Variants in PUM2 observed in about 807,000 individuals in gnomAD.
The protein encoded by PUM2 is pumilio homolog 2.
PUM2 carries 57 observed loss-of-function variants against 124.5 expected under a neutral mutation model. The observed-to-expected ratio is 0.46, with a 90% CI of 0.37 to 0.57. The LOEUF is 0.57. Ranked by LOEUF, PUM2 falls within the 20% of genes least tolerant of loss-of-function variation. The pLI is 0.00. For synonymous variants in PUM2, 460 were observed against 446.1 expected, an observed-to-expected ratio of 1.03 and a Z score of -0.39; for missense variants, 1,065 against 1,290.6, an observed-to-expected ratio of 0.83 and a Z score of 2.68.
intron 7 of PUM2, among the ~76,000 whole-genome samples, chr2:20,300,444 C>T (rs955787322): frequency 2.0e-5 from 3 of 152,164 alleles, no homozygotes; most frequent in African/African-American, 7.2e-5. Flanking sequence ...CCATAGCACC[C>T]GGCCTCAAGT....
rs745776490 is a variant in PUM2 at position 20,308,410 on chromosome 2, A to T, written c.693T>A (p.Gly231=). 3 of 1,614,094 alleles carry T rather than the reference A, an allele frequency of 1.9e-6. No individual in the cohort carries two copies. Among genetic ancestry groups the T allele is most frequent in the Non-Finnish European group, 2.5e-6 (3 of 1,179,992 alleles). Residue 231 remains glycine (G), a synonymous_variant, in exon 6 of 21, where the codon GGT becomes GGA. Coordinates refer to ENST00000361078, the MANE Select transcript of PUM2 (RefSeq NM_015317.5). Reference sequence around the variant, plus strand: ...GATAGTCAAACTGTAAGGATTCCAGACCAACTTGTTCCATGGCATCCAGAT... The same window carrying T: ...GATAGTCAAACTGTAAGGATTCCAGTCCAACTTGTTCCATGGCATCCAGAT... ...TQNLDAMEQV[G]LESLQFDYPG...
Position 20,254,962 on chromosome 2 carries a change from A to G in PUM2, c.2771T>C (p.Ile924Thr), listed in dbSNP as rs1664410412. Residue 924 changes from isoleucine (I) to threonine (T), a missense_variant, in exon 19 of 21, where the codon ATT becomes ACT. Physicochemically the swap from Ile to Thr is moderately conservative, Grantham distance 89 (BLOSUM62 -1). Around this residue, in one of 3 missense-constraint regions of PUM2, gnomAD observed 968 missense variants for 1,159.8 expected, o/e 0.83. Transcript: ENST00000361078. ...LVQDQYGNYV[I>T]QHVLEHGRPE... The stretch of plus-strand genomic sequence containing the variant: ...TCGACCGTGTTCCAGTACATGCTGA[A>G]TAACATAATTGCCATACTGATCCTA... The G allele has an allele frequency of 2.5e-6, 4 of 1,613,442 alleles. No individual in the cohort carries two copies. Among genetic ancestry groups the G allele is most frequent in the Non-Finnish European group, 3.4e-6 (4 of 1,179,594 alleles).
At chr2:20,294,201 A>C (rs1049178220) in intron 9 of PUM2, among the ~76,000 whole-genome samples, 175 bp downstream of exon 9, 1 of 152,246 alleles carries the variant, frequency 6.6e-6, no homozygotes, top group Non-Finnish European at 1.5e-5. Flanking sequence ...TTAAATTCAT[A>C]TAATACTGAT....
intron 8 of PUM2, among the ~76,000 whole-genome samples, chr2:20,297,332 G>C (rs2148320869): frequency 6.6e-6 from 1 of 152,286 alleles, no homozygotes; most frequent in South Asian, 2.1e-4. Flanking sequence ...TGAAATGTAA[G>C]CCAATTACGT....
intron 10 of PUM2, among the ~76,000 whole-genome samples, chr2:20,286,312 G>A (rs575476644): frequency 2.0e-5 from 3 of 152,256 alleles, no homozygotes; most frequent in Admixed American, 6.5e-5. Flanking sequence ...AGTTGAATTC[G>A]GAGAACCCTA....
At chr2:20,310,011 A>C (rs1318359350) in intron 5 of PUM2, among the ~76,000 whole-genome samples, 1 of 152,080 alleles carries the variant, frequency 6.6e-6, no homozygotes, top group Non-Finnish European at 1.5e-5. Flanking sequence ...TAAAACTAAA[A>C]GCATTTTCTT....
rs182904839 is a variant in PUM2 at position 20,298,683 on chromosome 2, A to G, written c.884-1005T>C. ...CAGGAGTTCAAGACCAGCCTGGCCA[A>G]CATGGTGAAACCCTGTCTCTGCTAA... is the stretch of plus-strand genomic sequence containing the variant. On this transcript the variant is annotated intron_variant, in intron 7 of 20. Transcript: ENST00000361078. Among the ~76,000 whole-genome samples, 26 of 152,268 alleles carry G rather than the reference A, an allele frequency of 1.7e-4. No homozygotes were observed. The East Asian group carries it at 4.8e-3, about 28-fold the overall frequency.
chr2:20,294,313 AAC>A, intron 9 of PUM2, 61 bp downstream of exon 9: 1 of 1,562,504 alleles, frequency 6.4e-7, no homozygotes, highest in South Asian at 1.2e-5. Context: ...ACAAATCTTA[AAC>A]ATTAGGAGCT....
chr2:20,256,812 G>A (rs999044455), intron 16 of PUM2, among the ~76,000 whole-genome samples: 1 of 152,062 alleles, frequency 6.6e-6, no homozygotes, highest in African/African-American at 2.4e-5. Flanking sequence ...TTGGGAGCCT[G>A]AGGCTGGTGG....
chr2:20,345,387 G>A (rs1181963982), intron 1 of PUM2, among the ~76,000 whole-genome samples: 1 of 152,124 alleles, frequency 6.6e-6, no homozygotes, highest in Non-Finnish European at 1.5e-5. Flanking sequence ...TGAGATTACA[G>A]GCATGGGCCA....
At chr2:20,269,325 C>CGAGTA (rs931860619) in intron 13 of PUM2, among the ~76,000 whole-genome samples, 6 of 152,010 alleles carry the variant, frequency 3.9e-5, no homozygotes, top group Non-Finnish European at 8.8e-5. Context: ...CTCAGCCTCC[C>CGAGTA]GAGTAGCTGG....
chr2:20,330,005 A>C (rs1684563047), intron 1 of PUM2, among the ~76,000 whole-genome samples: 1 of 152,112 alleles, frequency 6.6e-6, no homozygotes, highest in African/African-American at 2.4e-5. Flanking sequence ...AAGATAAATA[A>C]GAAAAAAAAA....
At position 20,283,130 on chromosome 2, in the gene PUM2, G is replaced by A; in HGVS notation, c.1537C>T (p.Gln513Ter). ...TTAGATTGCAGATTAGTGCTTGGCT[G>A]CTGTTGCTGCTGCTGTGGTGGCTGA... ...GTQPPQQQQQ[Q>*]PSTNLQSNSF... Residue 513 changes from glutamine to a stop codon, truncating the protein, a stop_gained, in exon 12 of 21, where the codon CAG (glutamine) becomes TAG (stop). Transcript: ENST00000361078. LOFTEE classifies it high-confidence loss of function. The A allele has an allele frequency of 6.2e-7, 1 of 1,614,136 alleles. No homozygotes were observed. Among genetic ancestry groups the A allele is most frequent in the Non-Finnish European group, 8.5e-7 (1 of 1,180,026 alleles).
chr2:20,311,686 A>T (rs761408647), intron 4 of PUM2, 23 bp from the exon 5 acceptor site: 1 of 1,603,020 alleles, frequency 6.2e-7, no homozygotes, highest in Non-Finnish European at 8.5e-7. Context: ...AATCTGTTTG[A>T]TTCTGAATAT....
intron 3 of PUM2, among the ~76,000 whole-genome samples, chr2:20,316,388 T>A (rs1334477003): frequency 6.6e-6 from 1 of 151,918 alleles, no homozygotes; most frequent in Non-Finnish European, 1.5e-5. Context: ...TAAGAAAATA[T>A]CTCATGATTA....
intron 7 of PUM2, among the ~76,000 whole-genome samples, chr2:20,303,933 A>T (rs1169993976): frequency 2.0e-5 from 3 of 152,118 alleles, no homozygotes; most frequent in African/African-American, 7.2e-5. Flanking sequence ...TCTTTGCACA[A>T]CTTTAAAGTT....
chr2:20,269,028 TAATA>T (rs1364615044), intron 13 of PUM2, among the ~76,000 whole-genome samples: 1 of 152,088 alleles, frequency 6.6e-6, no homozygotes, highest in Non-Finnish European at 1.5e-5. Context: ...AAAGCACAGC[TAATA>T]ATTAGGCTGA....
chr2:20,348,506 G>T (rs1688682690), intron 1 of PUM2, among the ~76,000 whole-genome samples: 1 of 152,226 alleles, frequency 6.6e-6, no homozygotes, highest in African/African-American at 2.4e-5. Flanking sequence ...TCTATAAAAA[G>T]GAGACAGCTT....
intron 13 of PUM2, among the ~76,000 whole-genome samples, chr2:20,274,017 T>C (rs115450232): frequency 0.022 from 3,334 of 152,240 alleles, 42 homozygotes; most frequent in Middle Eastern, 0.048. Flanking sequence ...TCAGTTCCTA[T>C]AGAATAGCAT....
Sources: gnomAD v4.1 joint callset for allele counts (sites outside exome capture counted in the v4.1 genomes callset) on GRCh38, gnomAD v4.1.1 for gene constraint, gnomAD v4.1.1 regional missense constraint, MANE v1.5 for transcripts, NCBI Gene and HGNC (gene_info 2026-07-23, HGNC 2026-07-21) for gene names.